DPP10: variants seen among roughly 807,000 people sequenced by gnomAD.
DPP10 encodes the protein inactive dipeptidyl peptidase 10.
DPP10 carries 33 observed loss-of-function variants against 120.9 expected under a neutral mutation model. The observed-to-expected ratio is 0.27, with a 90% CI of 0.21 to 0.37. The LOEUF (loss-of-function observed/expected upper bound fraction) is 0.37. Among genes scored for constraint, DPP10 ranks in the 10% least tolerant of loss-of-function variants. DPP10 has a pLI of 1.00. For missense variants in DPP10, 816 were observed against 942.8 expected, an observed-to-expected ratio of 0.87 and a Z score of 1.76; for synonymous variants, 337 against 326.1, an observed-to-expected ratio of 1.03 and a Z score of -0.36.
At chr2:114,579,789 C>G (rs991353369) in intron 1 of DPP10, among the ~76,000 whole-genome samples, 1 of 152,000 alleles carries the variant, frequency 6.6e-6, no homozygotes, top group Non-Finnish European at 1.5e-5. Context: ...GTCTTTAAAC[C>G]CAGACTCTAC....
At chr2:115,057,858 G>A (rs556310902) in intron 1 of DPP10, among the ~76,000 whole-genome samples, 21 of 152,256 alleles carry the variant, frequency 1.4e-4, no homozygotes, top group Non-Finnish European at 2.4e-4. Context: ...TGGAAAAGAT[G>A]GGCTAGGCCA....
chr2:115,817,807 G>A (rs956750010), intron 21 of DPP10, among the ~76,000 whole-genome samples: 3 of 152,004 alleles, frequency 2.0e-5, no homozygotes, highest in African/African-American at 4.8e-5. Context: ...GGGACATTGT[G>A]CTAGGTGAAG....
intron 1 of DPP10, among the ~76,000 whole-genome samples, chr2:114,972,683 A>G (rs1699475346): frequency 6.6e-6 from 1 of 152,214 alleles, no homozygotes; most frequent in African/African-American, 2.4e-5. Context: ...TTCTTTGTAT[A>G]TATCTAAAAG....
At chr2:115,603,560 G>GTTCT (rs563884390) in intron 5 of DPP10, among the ~76,000 whole-genome samples, 1 of 126,428 alleles carries the variant, frequency 7.9e-6, no homozygotes, top group East Asian at 2.5e-4. Flanking sequence ...CGTTGTTGTT[G>GTTCT]TTTTTTTTTG....
In DPP10 at chr2:115,643,038, G is replaced by A. The variant is rs1023533362; in HGVS notation, c.442-46649G>A. 3.3e-5 allele frequency among the ~76,000 whole-genome samples: 5 copies of A among 151,886 alleles called. No homozygotes were observed. In the South Asian group the frequency reaches 1.0e-3, roughly 31 times the overall value. On this transcript the variant is annotated intron_variant, in intron 5 of 25. Transcript: ENST00000410059. ...TAAGTAATATCTCATGCATTATGAA[G>A]TCATTTAAATTATTTAACATGCATT...
intron 1 of DPP10, among the ~76,000 whole-genome samples, chr2:114,923,096 A>T (rs539683539): frequency 6.6e-6 from 1 of 152,156 alleles, no homozygotes; most frequent in Non-Finnish European, 1.5e-5. Context: ...TTATTGTTAA[A>T]TTATAAGAGT....
intron 3 of DPP10, chr2:115,468,211 G>T: frequency 2.0e-6 from 1 of 496,138 alleles, no homozygotes; most frequent in South Asian, 1.5e-5. Context: ...TAAATCTGAA[G>T]AGGACTCAGG....
At chr2:115,685,510 T>C (rs898379294) in intron 5 of DPP10, among the ~76,000 whole-genome samples, 3 of 152,002 alleles carry the variant, frequency 2.0e-5, no homozygotes, top group Admixed American at 6.6e-5. Flanking sequence ...ACATTTATTT[T>C]GGTCTTTGTA....
chr2:115,320,281 A>G (rs747810096), intron 2 of DPP10, among the ~76,000 whole-genome samples: 16 of 152,142 alleles, frequency 1.1e-4, no homozygotes, highest in Non-Finnish European at 2.2e-4. Flanking sequence ...CAAGTAAGTG[A>G]ATTTTAAAAA....
chr2:115,241,077 T>C (rs967740585), intron 1 of DPP10, among the ~76,000 whole-genome samples: 1 of 152,082 alleles, frequency 6.6e-6, no homozygotes, highest in African/African-American at 2.4e-5. Context: ...GAGACCAGTC[T>C]GACCAACATG....
chr2:115,591,077 T>C (rs952449080), intron 5 of DPP10, among the ~76,000 whole-genome samples: 2 of 152,226 alleles, frequency 1.3e-5, no homozygotes, highest in Non-Finnish European at 2.9e-5. Flanking sequence ...GATGGGTGGA[T>C]TGTAAAAATT....
chr2:115,054,724 A>C (rs1165739892), intron 1 of DPP10, among the ~76,000 whole-genome samples: 4 of 152,124 alleles, frequency 2.6e-5, no homozygotes, highest in Non-Finnish European at 5.9e-5. Context: ...CAGCCTGGCC[A>C]ATATGCTGAA....
intron 3 of DPP10, among the ~76,000 whole-genome samples, chr2:115,381,966 C>A (rs554556112): frequency 5.1e-4 from 78 of 152,250 alleles, no homozygotes; most frequent in African/African-American, 1.7e-3. Flanking sequence ...AGCTGTCAGA[C>A]AGGGACATTT....
At chr2:114,884,167 A>C (rs1310579633) in intron 1 of DPP10, among the ~76,000 whole-genome samples, 1 of 152,190 alleles carries the variant, frequency 6.6e-6, no homozygotes, top group Non-Finnish European at 1.5e-5. Context: ...TATTATACCT[A>C]GCACTAGGTG....
At chr2:114,630,103 C>T (rs535014041) in intron 1 of DPP10, among the ~76,000 whole-genome samples, 3 of 152,114 alleles carry the variant, frequency 2.0e-5, no homozygotes, top group Admixed American at 1.3e-4. Context: ...AACATATTAG[C>T]AATATGCTCC....
chr2:114,462,237 C>T (rs1678984710), intron 1 of DPP10: 2 of 729,774 alleles, frequency 2.7e-6, no homozygotes, highest in African/African-American at 3.9e-5. Flanking sequence ...ATATACCACC[C>T]TATTGCTAAT....
intron 1 of DPP10, among the ~76,000 whole-genome samples, chr2:115,119,173 T>C (rs2049693856): frequency 6.6e-6 from 1 of 152,132 alleles, no homozygotes; most frequent in South Asian, 2.1e-4. Context: ...ATGGTCAGTG[T>C]GTTTACTGAA....
At chr2:115,151,382 A>AT (rs2051540931) in intron 1 of DPP10, among the ~76,000 whole-genome samples, 3 of 147,796 alleles carry the variant, frequency 2.0e-5, no homozygotes, top group South Asian at 4.3e-4. Flanking sequence ...AGTTTAATTG[A>AT]TTTTTTTAAA....
chr2:115,138,441 C>T (rs539519072), intron 1 of DPP10, among the ~76,000 whole-genome samples: 1 of 152,250 alleles, frequency 6.6e-6, no homozygotes, highest in South Asian at 2.1e-4. Context: ...GGCTGATTTG[C>T]ATTTGTGTTG....
Sources: allele counts gnomAD v4.1 joint callset (sites outside exome capture counted in the v4.1 genomes callset), GRCh38; gene constraint gnomAD v4.1.1; transcripts MANE v1.5; gene names NCBI Gene and HGNC (gene_info 2026-07-23, HGNC 2026-07-21).